Variants in IL1RAPL2 observed in about 807,000 individuals in gnomAD.
IL1RAPL2 encodes interleukin 1 receptor accessory protein like 2, also known as X-linked interleukin-1 receptor accessory protein-like 2.
In IL1RAPL2, 3 loss-of-function variants were observed where a neutral mutation model predicts 44.1. The ratio of observed to expected loss-of-function variants is 0.07; its 90% CI spans 0.03 to 0.18. The LOEUF (loss-of-function observed/expected upper bound fraction) is 0.18, where lower values mean the gene tolerates loss of function less well. Among genes scored for constraint, IL1RAPL2 ranks in the 10% least tolerant of loss-of-function variants. The probability of loss-of-function intolerance (pLI) is 1.00; values close to 1 mark genes in which losing one functional copy is unlikely to be tolerated. For missense variants in IL1RAPL2, 391 were observed against 496.4 expected, an observed-to-expected ratio of 0.79 and a Z score of 2.02; for synonymous variants, 181 against 178.8, an observed-to-expected ratio of 1.01 and a Z score of -0.10.
intron 1 of IL1RAPL2, among the ~76,000 whole-genome samples, chrX:104,627,059 C>T (rs759516072): frequency 6.1e-4 from 67 of 109,389 alleles, no homozygotes; most frequent in African/African-American, 2.1e-3. Context: ...CCTCATGATC[C>T]GCCCGCCTCG....
intron 2 of IL1RAPL2, among the ~76,000 whole-genome samples, chrX:104,707,530 C>T (rs73635158): frequency 3.6e-5 from 4 of 111,625 alleles, no homozygotes; most frequent in African/African-American, 9.7e-5. Flanking sequence ...ATTTTCAATA[C>T]CTTTTAATAA....
chrX:105,500,316 C>T (rs1244277793), intron 6 of IL1RAPL2, among the ~76,000 whole-genome samples: 1 of 108,846 alleles, frequency 9.2e-6, no homozygotes. Context: ...AGAGGGTAGA[C>T]TTCATGTTAT....
At chrX:105,381,864 G>T (rs62603048) in intron 5 of IL1RAPL2, among the ~76,000 whole-genome samples, 3,720 of 109,692 alleles carry the variant, frequency 0.034, 87 homozygotes, top group Non-Finnish European at 0.053. Flanking sequence ...AACAAGAAAT[G>T]GGGAAAGGAT....
intron 2 of IL1RAPL2, among the ~76,000 whole-genome samples, chrX:104,741,989 T>G (rs1932108092): frequency 9.0e-6 from 1 of 111,416 alleles, no homozygotes; most frequent in Non-Finnish European, 1.9e-5. Context: ...GCAGAGTGTT[T>G]CCATTCTTTC....
chrX:105,435,427 C>T (rs1416508101), intron 5 of IL1RAPL2, among the ~76,000 whole-genome samples: 2 of 111,433 alleles, frequency 1.8e-5, no homozygotes, highest in Non-Finnish European at 3.8e-5. Flanking sequence ...AATAGGAATG[C>T]TTTTACAGTA....
chrX:105,478,975 A>G lies in IL1RAPL2; in HGVS notation c.698-5338A>G, dbSNP rs138804112. Reference sequence around the variant, plus strand: ...GTGAGGTTTAATTTGTATTCAAAGTAGTACATGTCATGAACCAAATGGGTG... The same window carrying G: ...GTGAGGTTTAATTTGTATTCAAAGTGGTACATGTCATGAACCAAATGGGTG... On this transcript the variant is annotated intron_variant, in intron 5 of 10. Coordinates refer to ENST00000372582, the MANE Select transcript of IL1RAPL2 (RefSeq NM_017416.2). Among the ~76,000 whole-genome samples the G allele has an allele frequency of 7.6e-3, 849 of 112,365 alleles. 8 individuals are homozygous for G. The highest frequency in any genetic ancestry group is 0.026 in the African/African-American group (812 of 30,959).
At chrX:104,893,084 A>T (rs1013012769) in intron 2 of IL1RAPL2, among the ~76,000 whole-genome samples, 1 of 111,780 alleles carries the variant, frequency 8.9e-6, no homozygotes, top group Non-Finnish European at 1.9e-5. Flanking sequence ...TTCAGTTTCC[A>T]TGTAGTTGAG....
chrX:105,352,732 T>C (rs1024777327), intron 5 of IL1RAPL2, among the ~76,000 whole-genome samples: 2 of 110,040 alleles, frequency 1.8e-5, no homozygotes, highest in South Asian at 8.0e-4. Context: ...ATGTCTTCTT[T>C]TGAGAAGTGT....
At chrX:105,079,831 T>C (rs1240925339) in intron 2 of IL1RAPL2, among the ~76,000 whole-genome samples, 4 of 111,427 alleles carry the variant, frequency 3.6e-5, no homozygotes, top group African/African-American at 6.5e-5. Context: ...TATAAAAGCA[T>C]TCCTATTTCT....
At chrX:104,748,293 G>A (rs1932207172) in intron 2 of IL1RAPL2, among the ~76,000 whole-genome samples, 1 of 111,810 alleles carries the variant, frequency 8.9e-6, no homozygotes, top group African/African-American at 3.2e-5. Context: ...ACATTATGAT[G>A]ATTAGAATTC....
chrX:105,516,380 A>G (rs2147787738), intron 6 of IL1RAPL2, among the ~76,000 whole-genome samples: 1 of 112,132 alleles, frequency 8.9e-6, no homozygotes, highest in Admixed American at 9.4e-5. Flanking sequence ...CAGCAGCCTC[A>G]AAACACAGGG....
chrX:104,645,775 A>G (rs1930025466), intron 1 of IL1RAPL2, among the ~76,000 whole-genome samples: 1 of 112,784 alleles, frequency 8.9e-6, no homozygotes, highest in Non-Finnish European at 1.9e-5. Flanking sequence ...TTATTGAATA[A>G]ATAAATTAAT....
intron 5 of IL1RAPL2, among the ~76,000 whole-genome samples, chrX:105,293,782 A>G (rs774860079): frequency 9.0e-6 from 1 of 111,696 alleles, no homozygotes; most frequent in Non-Finnish European, 1.9e-5. Context: ...TCAACTTTGA[A>G]TGGAATGACC....
intron 5 of IL1RAPL2, among the ~76,000 whole-genome samples, chrX:105,304,219 G>T (rs2034717423): frequency 1.8e-5 from 2 of 111,901 alleles, no homozygotes; most frequent in South Asian, 3.7e-4. Flanking sequence ...TTGCAGCAGA[G>T]AAAGAGCTTT....
At chrX:105,001,475 A>C (rs1312638914) in intron 2 of IL1RAPL2, among the ~76,000 whole-genome samples, 3 of 111,511 alleles carry the variant, frequency 2.7e-5, no homozygotes, top group African/African-American at 9.8e-5. Context: ...TTCAGTAAAA[A>C]ATAAGCAAAT....
rs779258654 is a variant in IL1RAPL2 at position 104,596,833 on chromosome X, CAG to C, written c.-20+29785_-20+29786del. 1.3e-4 allele frequency among the ~76,000 whole-genome samples: 14 copies of C among 111,359 alleles called. No homozygotes were observed. In the South Asian group the frequency reaches 5.3e-3, roughly 42 times the overall value. On this transcript the variant is annotated intron_variant, in intron 1 of 10. Transcript: ENST00000372582. ...GAGGAAGTAACATGCGCAGTAATGA[CAG>C]AGTCAGGAACAGGCTAGTATTAGAA...
intron 2 of IL1RAPL2, among the ~76,000 whole-genome samples, chrX:104,824,671 C>T (rs150389944): frequency 0.011 from 1,263 of 111,765 alleles, 13 homozygotes; most frequent in African/African-American, 0.039. Context: ...AGTTTATTTG[C>T]ACAGAGGTGT....
At chrX:105,350,490 G>A (rs912961054) in intron 5 of IL1RAPL2, among the ~76,000 whole-genome samples, 19 of 112,280 alleles carry the variant, frequency 1.7e-4, no homozygotes, top group Non-Finnish European at 3.4e-4. Context: ...TTGGGAGGTC[G>A]AGGCGGGTGG....
At chrX:105,407,613 G>C (rs949359283) in intron 5 of IL1RAPL2, among the ~76,000 whole-genome samples, 5 of 111,267 alleles carry the variant, frequency 4.5e-5, no homozygotes, top group African/African-American at 9.8e-5. Flanking sequence ...ACTCTTTTCA[G>C]GTTCATTTTT....
Sources: allele counts gnomAD v4.1 joint callset (sites outside exome capture counted in the v4.1 genomes callset), GRCh38; gene constraint gnomAD v4.1.1; transcripts MANE v1.5; gene names NCBI Gene and HGNC (gene_info 2026-07-23, HGNC 2026-07-21).